The following DNMT3A variants were observed in gnomAD, a reference collection of about 807,000 sequenced individuals.
DNMT3A encodes the protein DNA methyltransferase 3 alpha.
Under a neutral mutation model 117.6 loss-of-function variants are expected in DNMT3A, and 267 were observed. The observed-to-expected ratio is 2.27, with a 90% CI of 2.05 to 2.51. The LOEUF is 2.51. Ranked by LOEUF, DNMT3A falls within the 30% of genes most tolerant of loss-of-function variation. The pLI, the probability that DNMT3A is intolerant of heterozygous loss-of-function variation, is 0.00. For synonymous variants in DNMT3A, 432 were observed against 474.8 expected (o/e 0.91, Z 1.17); for missense variants, 1,029 against 1,260.2 (o/e 0.82, Z 2.78).
chr2:25,258,021 G>A (rs531200314), intron 6 of DNMT3A, among the ~76,000 whole-genome samples: 1 of 152,334 alleles, frequency 6.6e-6, no homozygotes, highest in South Asian at 2.1e-4. Flanking sequence ...CCTCCTCTGG[G>A]CCTTTCCCAC....
rs1558704470 is a variant in DNMT3A, at chr2:25,282,302, C to T, written c.448+139G>A. The T allele has an allele frequency of 6.8e-7, 1 of 1,471,310 alleles. No homozygotes were observed. Among genetic ancestry groups the T allele is most frequent in the Non-Finnish European group, 9.0e-7 (1 of 1,107,204 alleles). The allele number at this position is 1,471,310 out of a possible 1,614,324, so 91.1% of individuals were successfully genotyped here. A position where few individuals can be genotyped will look rare whatever the true frequency, so the allele number is the denominator to read the frequency against. On this transcript the variant is annotated intron_variant, in intron 4 of 22. Coordinates refer to ENST00000321117, the MANE Select transcript of DNMT3A (RefSeq NM_022552.5). This position sits in a 1 kb window ranked among gnomAD's most constrained non-coding sequence, Gnocchi z 5.2. ...GCAGGCTGCATCCAGCCAGTAGCCT[C>T]CAGGCCATAGCCTTGGCAAGCAGAC...
chr2:25,342,442 C>T (rs1216388125), upstream of DNMT3A: 1 of 152,300 alleles, frequency 6.6e-6, no homozygotes, highest in East Asian at 1.9e-4. The surrounding 1 kb of genome is among the most constrained non-coding windows in gnomAD (Gnocchi z 5.9). Context: ...GGCGCTGCTT[C>T]TGCGCTGGGT....
In DNMT3A at chr2:25,300,218, C is replaced by A; in HGVS notation, c.98G>T (p.Arg33Leu). ...GGGCTCTTGGCGCTCCTCCTTGCCACGCGGCTCCTCCTGCTCCTCTCCGTC... is the reference window on the plus strand; with the variant it reads ...GGGCTCTTGGCGCTCCTCCTTGCCAAGCGGCTCCTCCTGCTCCTCTCCGTC... The part of the protein sequence containing the change: ...RKDGEEQEEP[R>L]GKEERQEPST... The change falls in exon 3 of 23, where the codon CGT (arginine) becomes CTT (leucine). Residue 33 changes from arginine to leucine, a missense_variant. By Grantham distance (102) the Arg-to-Leu change is moderately radical. Transcript: ENST00000321117. 6.2e-7 allele frequency: 1 copy of A among 1,609,868 alleles called. No homozygotes were observed. Among genetic ancestry groups the A allele is most frequent in the Non-Finnish European group, 8.5e-7 (1 of 1,179,942 alleles).
chr2:25,325,680 C>T (rs1036778221), intron 1 of DNMT3A, among the ~76,000 whole-genome samples: 2 of 152,164 alleles, frequency 1.3e-5, no homozygotes, highest in African/African-American at 4.8e-5. Flanking sequence ...GAACTCCTTA[C>T]GCCACTGAAC....
rs980908945 is a variant in DNMT3A, at chr2:25,305,461, C to T, written c.73-5218G>A. Reference sequence around the variant, plus strand: ...AATAATCTCTCACATTTGCACTGAACGTGGTAATTAACAAAGCATCTTCAC... The same window carrying T: ...AATAATCTCTCACATTTGCACTGAATGTGGTAATTAACAAAGCATCTTCAC... On this transcript the variant is annotated intron_variant, in intron 2 of 22. Transcript: ENST00000321117. The surrounding 1 kb of genome is among the most constrained non-coding windows in gnomAD (Gnocchi z 4.1). Among the ~76,000 whole-genome samples, 5 of 152,330 alleles carry T rather than the reference C, an allele frequency of 3.3e-5. No individual in the cohort carries two copies. The highest frequency in any genetic ancestry group is 1.9e-4 in the East Asian group (1 of 5,190).
At chr2:25,307,343 T>C (rs1042464334) in intron 2 of DNMT3A, among the ~76,000 whole-genome samples, 11 of 151,988 alleles carry the variant, frequency 7.2e-5, no homozygotes, top group African/African-American at 2.7e-4. Context: ...TTTTTCTTTT[T>C]TTTTTCCCAG....
intron 1 of DNMT3A, among the ~76,000 whole-genome samples, chr2:25,324,570 G>A (rs1446707264): frequency 6.6e-6 from 1 of 152,146 alleles, no homozygotes; most frequent in Non-Finnish European, 1.5e-5. Context: ...TGCAAATGTG[G>A]GTGACAGAAG....
chr2:25,235,539 C>T (rs530646795), intron 22 of DNMT3A, among the ~76,000 whole-genome samples, 168 bp downstream of exon 22: 1 of 152,268 alleles, frequency 6.6e-6, no homozygotes, highest in African/African-American at 2.4e-5. Context: ...CCTGGGGTGT[C>T]AGGAGTCCAC....
chr2:25,312,216 G>A (rs969994186), intron 2 of DNMT3A, among the ~76,000 whole-genome samples: 3 of 152,246 alleles, frequency 2.0e-5, no homozygotes, highest in African/African-American at 7.2e-5. Flanking sequence ...CCACTCCAGA[G>A]CACAGACAGC....
chr2:25,316,390 G>A (rs1356331437), intron 1 of DNMT3A, among the ~76,000 whole-genome samples: 3 of 152,236 alleles, frequency 2.0e-5, no homozygotes, highest in African/African-American at 7.2e-5. Flanking sequence ...TGACATCTGA[G>A]CTGCAGAAAC....
intron 19 of DNMT3A, chr2:25,239,485 GC>G (rs1362166969): frequency 1.5e-5 from 9 of 597,390 alleles, no homozygotes. Context: ...GTGGCCACTA[GC>G]CCACTAGTAC....
chr2:25,261,629 TAAATA>T (rs1676623816), intron 6 of DNMT3A, among the ~76,000 whole-genome samples: 1 of 149,378 alleles, frequency 6.7e-6, no homozygotes, highest in Middle Eastern at 3.5e-3. Context: ...AAACCATAAA[TAAATA>T]AAATAAATAG....
chr2:25,300,714 TATATATATATATATATATATA>T (rs2033422768), intron 2 of DNMT3A, among the ~76,000 whole-genome samples: 1 of 4,024 alleles, frequency 2.5e-4, no homozygotes, highest in East Asian at 0.012. Flanking sequence ...AATAATATAA[TATATATATATATATATATATA>T]TATATATATA....
intron 1 of DNMT3A, among the ~76,000 whole-genome samples, chr2:25,326,779 G>C (rs372612758): frequency 1.6e-4 from 24 of 152,296 alleles, no homozygotes; most frequent in South Asian, 8.3e-4. Context: ...CCAGTGCCCA[G>C]CTCCTGCAGG....
At chr2:25,278,311 G>A (rs2031623998) in intron 4 of DNMT3A, among the ~76,000 whole-genome samples, 1 of 152,300 alleles carries the variant, frequency 6.6e-6, no homozygotes, top group Non-Finnish European at 1.5e-5. Context: ...TCAGCCAGAG[G>A]CCACCCAAGT....
At chr2:25,323,351 G>A (rs1358845724) in intron 1 of DNMT3A, among the ~76,000 whole-genome samples, 1 of 152,120 alleles carries the variant, frequency 6.6e-6, no homozygotes, top group Non-Finnish European at 1.5e-5. Context: ...GAACTTCCGG[G>A]GACTGTGAGC....
At chr2:25,260,507 G>A (rs755847262) in intron 6 of DNMT3A, among the ~76,000 whole-genome samples, 1 of 151,972 alleles carries the variant, frequency 6.6e-6, no homozygotes, top group Non-Finnish European at 1.5e-5. Context: ...CTTTCCAACA[G>A]CATCTAGCGT....
intron 1 of DNMT3A, among the ~76,000 whole-genome samples, chr2:25,317,008 AT>A (rs2034407644): frequency 6.6e-6 from 1 of 152,220 alleles, no homozygotes; most frequent in Non-Finnish European, 1.5e-5. Context: ...AAAGCTTTGA[AT>A]ATGCATACCA....
chr2:25,318,007 T>A (rs1488072092), intron 1 of DNMT3A, among the ~76,000 whole-genome samples: 2 of 152,182 alleles, frequency 1.3e-5, no homozygotes, highest in African/African-American at 4.8e-5. Flanking sequence ...AGTGCTGGGA[T>A]TACAGGCATG....
Sources: allele counts gnomAD v4.1 joint callset (sites outside exome capture counted in the v4.1 genomes callset), GRCh38; gene constraint gnomAD v4.1.1; non-coding constraint Gnocchi (gnomAD v3.1); transcripts MANE v1.5; gene names NCBI Gene and HGNC (gene_info 2026-07-23, HGNC 2026-07-21).